SPTBN1: variants seen among roughly 807,000 people sequenced by gnomAD.
SPTBN1 encodes spectrin beta chain, non-erythrocytic 1.
In SPTBN1, 32 loss-of-function variants were observed where a neutral mutation model predicts 266.4. The observed-to-expected ratio is 0.12, with a 90% CI of 0.09 to 0.16. The LOEUF (loss-of-function observed/expected upper bound fraction) is 0.16. Ranked by LOEUF, SPTBN1 falls within the 10% of genes least tolerant of loss-of-function variation. SPTBN1 has a pLI of 1.00. For synonymous variants in SPTBN1, 1,336 were observed against 1,162.2 expected, an observed-to-expected ratio of 1.15 and a Z score of -3.04; for missense variants, 2,296 against 3,067.1, an observed-to-expected ratio of 0.75 and a Z score of 5.94.
At chr2:54,467,975 A>G (rs1395479007) in intron 1 of SPTBN1, among the ~76,000 whole-genome samples, 4 of 152,230 alleles carry the variant, frequency 2.6e-5, no homozygotes, top group African/African-American at 9.6e-5. Context: ...AATTAAAATC[A>G]CTAGATACTA....
intron 17 of SPTBN1, among the ~76,000 whole-genome samples, chr2:54,634,864 G>A (rs935487861): frequency 6.6e-6 from 1 of 152,186 alleles, no homozygotes; most frequent in Non-Finnish European, 1.5e-5. Context: ...AAGTGCCTGT[G>A]AGTGGGAAGA....
At chr2:54,567,124 A>T (rs1260448993) in intron 2 of SPTBN1, among the ~76,000 whole-genome samples, 2 of 152,214 alleles carry the variant, frequency 1.3e-5, no homozygotes, top group African/African-American at 4.8e-5. Context: ...CAACTGATTA[A>T]TAGAAGCAAG....
rs1317381416 is a variant in SPTBN1 at position 54,558,219 on chromosome 2, C to A, written c.148+31653C>A. On this transcript the variant is annotated intron_variant, in intron 2 of 35. Transcript: ENST00000356805. The surrounding 1 kb of genome is among the most constrained non-coding windows in gnomAD (Gnocchi z 4.6). Reference sequence around the variant, plus strand: ...GCGGCTGGGGCGACCGCGGACCGTGCGGGACCGGTAGGGGGTCGCGGGCCG... The same window carrying A: ...GCGGCTGGGGCGACCGCGGACCGTGAGGGACCGGTAGGGGGTCGCGGGCCG... The A allele has an allele frequency of 2.0e-6, 2 of 985,262 alleles. No homozygotes were observed. The highest frequency in any genetic ancestry group is 2.4e-6 in the Non-Finnish European group (2 of 829,910). The allele number at this position is 985,262 out of a possible 1,614,324, so 61.0% of individuals were successfully genotyped here.
At chr2:54,525,208 C>T (rs1355078052) in intron 1 of SPTBN1, among the ~76,000 whole-genome samples, 2 of 152,026 alleles carry the variant, frequency 1.3e-5, no homozygotes, top group Admixed American at 6.5e-5. Context: ...GAGCATCTAC[C>T]ATGCACTGGT....
At chr2:54,605,266 C>T (rs973821174) in intron 3 of SPTBN1, among the ~76,000 whole-genome samples, 1 of 152,080 alleles carries the variant, frequency 6.6e-6, no homozygotes, top group African/African-American at 2.4e-5. Context: ...GAACCGAGTC[C>T]CTCACTTCCT....
intron 2 of SPTBN1, among the ~76,000 whole-genome samples, chr2:54,595,093 A>C (rs143398730): frequency 5.9e-5 from 9 of 152,216 alleles, no homozygotes; most frequent in Admixed American, 3.9e-4. Flanking sequence ...CAGCCTCCCA[A>C]AGTGCTGGGA....
chr2:54,458,523 G>A (rs921281930), intron 1 of SPTBN1, among the ~76,000 whole-genome samples: 2 of 152,290 alleles, frequency 1.3e-5, no homozygotes, highest in Admixed American at 6.5e-5. Context: ...GTAACACTGC[G>A]TTTGTGTTTG....
chr2:54,464,260 A>G (rs909913264), intron 1 of SPTBN1, among the ~76,000 whole-genome samples: 1 of 152,254 alleles, frequency 6.6e-6, no homozygotes, highest in East Asian at 1.9e-4. Flanking sequence ...CAACATTAAT[A>G]GAGAAAAGGG....
At chr2:54,642,905 T>A in intron 18 of SPTBN1, 78 bp from the exon 19 acceptor site, 1 of 1,542,838 alleles carries the variant, frequency 6.5e-7, no homozygotes, top group Non-Finnish European at 8.8e-7. Context: ...TAATATGACA[T>A]AAACACAACC....
At chr2:54,605,367 C>G (rs1676771259) in intron 3 of SPTBN1, among the ~76,000 whole-genome samples, 1 of 152,170 alleles carries the variant, frequency 6.6e-6, no homozygotes, top group African/African-American at 2.4e-5. Context: ...TTCACCACAT[C>G]CTAACTAGCT....
chr2:54,568,938 G>A (rs1673859464), intron 2 of SPTBN1, among the ~76,000 whole-genome samples: 1 of 152,166 alleles, frequency 6.6e-6, no homozygotes, highest in South Asian at 2.1e-4. Context: ...TCCTGTTCTT[G>A]CAGTTGGTTA....
rs1483412309 is a variant in SPTBN1 at position 54,533,750 on chromosome 2, C to A, written c.148+7184C>A. 1.3e-5 allele frequency among the ~76,000 whole-genome samples: 2 copies of A among 152,154 alleles called. No individual in the cohort carries two copies. The highest frequency in any genetic ancestry group is 1.5e-5 in the Non-Finnish European group (1 of 68,022). ...ATTTTTAGTAGAGACGGGGTTTCAC[C>A]ATGTTGGCCAGGCTGGTCTCGAACT... On this transcript the variant is annotated intron_variant, in intron 2 of 35. Coordinates refer to ENST00000356805, the MANE Select transcript of SPTBN1 (RefSeq NM_003128.3). The surrounding 1 kb of genome is among the most constrained non-coding windows in gnomAD (Gnocchi z 4.2).
chr2:54,634,455 C>T (rs1678975725), intron 17 of SPTBN1, among the ~76,000 whole-genome samples: 1 of 152,174 alleles, frequency 6.6e-6, no homozygotes, highest in African/African-American at 2.4e-5. Context: ...TATCAATAAG[C>T]ATAATAAAGA....
chr2:54,568,349 CAAAA>C (rs888478845), intron 2 of SPTBN1, among the ~76,000 whole-genome samples: 54 of 95,674 alleles, frequency 5.6e-4, no homozygotes, highest in East Asian at 1.2e-3. Context: ...GACTCTGTCT[CAAAA>C]AAAAAAAAAA....
intron 10 of SPTBN1, among the ~76,000 whole-genome samples, chr2:54,624,243 G>A (rs2103885788): frequency 6.6e-6 from 1 of 152,142 alleles, no homozygotes; most frequent in African/African-American, 2.4e-5. Context: ...TCAAAGTGCT[G>A]GAATTATAGG....
intron 2 of SPTBN1, among the ~76,000 whole-genome samples, chr2:54,567,834 T>G (rs1673767950): frequency 6.6e-6 from 1 of 152,166 alleles, no homozygotes; most frequent in African/African-American, 2.4e-5. Flanking sequence ...GATGATCGTT[T>G]TGGAGGGTGC....
In SPTBN1 at chr2:54,653,889, G is replaced by T; in HGVS notation, c.5822+36G>T. The T allele has an allele frequency of 6.3e-7, 1 of 1,594,854 alleles. No individual in the cohort carries two copies. Among genetic ancestry groups the T allele is most frequent in the Non-Finnish European group, 8.5e-7 (1 of 1,175,368 alleles). ...CAGCCCAAAGGAAATTGGACTTATTGGCGCTTGGTTAAAACACAGGAGTCT... is the reference window on the plus strand; with the variant it reads ...CAGCCCAAAGGAAATTGGACTTATTTGCGCTTGGTTAAAACACAGGAGTCT... On this transcript the variant is annotated intron_variant, in intron 27 of 35. Coordinates refer to ENST00000356805, the MANE Select transcript of SPTBN1 (RefSeq NM_003128.3). This position sits in a 1 kb window ranked among gnomAD's most constrained non-coding sequence, Gnocchi z 5.1.
At chr2:54,501,990 A>T (rs544067010) in intron 1 of SPTBN1, among the ~76,000 whole-genome samples, 1 of 152,250 alleles carries the variant, frequency 6.6e-6, no homozygotes, top group African/African-American at 2.4e-5. Context: ...CTAAAGCAAG[A>T]CTAGATTAAG....
intron 2 of SPTBN1, among the ~76,000 whole-genome samples, chr2:54,578,072 C>CT (rs1674609921): frequency 6.6e-6 from 1 of 152,184 alleles, no homozygotes; most frequent in Non-Finnish European, 1.5e-5. Flanking sequence ...AAGGACTCAG[C>CT]TGACAGTACA....
Sources: gnomAD v4.1 joint callset for allele counts (sites outside exome capture counted in the v4.1 genomes callset) on GRCh38, gnomAD v4.1.1 for gene constraint, Gnocchi (gnomAD v3.1) non-coding constraint, MANE v1.5 for transcripts, NCBI Gene and HGNC (gene_info 2026-07-23, HGNC 2026-07-21) for gene names.